Variants in AK5 observed in about 807,000 individuals in gnomAD.
AK5 encodes the protein adenylate kinase 5.
Under a neutral mutation model 69.5 loss-of-function variants are expected in AK5, and 27 were observed. The ratio of observed to expected loss-of-function variants is 0.39; its 90% CI spans 0.29 to 0.54. The LOEUF (loss-of-function observed/expected upper bound fraction) is 0.54, where lower values mean the gene tolerates loss of function less well. Ranked by LOEUF, AK5 falls within the 20% of genes least tolerant of loss-of-function variation. The pLI, the probability that AK5 is intolerant of heterozygous loss-of-function variation, is 0.71. For missense variants in AK5, 531 were observed against 700.4 expected (o/e 0.76, Z 2.73); for synonymous variants, 260 against 244.4 (o/e 1.06, Z -0.60).
At chr1:77,326,949 C>A (rs1052429788) in intron 5 of AK5, among the ~76,000 whole-genome samples, 39 of 152,152 alleles carry the variant, frequency 2.6e-4, no homozygotes, top group Non-Finnish European at 1.0e-4. Flanking sequence ...TCCATGAATT[C>A]ATGAACATAG....
At chr1:77,474,971 T>C (rs1229622534) in intron 8 of AK5, among the ~76,000 whole-genome samples, 1 of 151,758 alleles carries the variant, frequency 6.6e-6, no homozygotes, top group Non-Finnish European at 1.5e-5. Context: ...CTAGCTATTT[T>C]TTTAACTTCT....
At chr1:77,388,727 G>A (rs976250219) in intron 6 of AK5, among the ~76,000 whole-genome samples, 7 of 149,792 alleles carry the variant, frequency 4.7e-5, no homozygotes, top group Non-Finnish European at 8.9e-5. Context: ...TGAAAACAAT[G>A]TGGGAAGCAT....
chr1:77,358,018 T>TGTGTGTGTGAGA lies in AK5; in HGVS notation c.891+17451_891+17452insTGTGTGTGAGAG, dbSNP rs762714026. On this transcript the variant is annotated intron_variant, in intron 6 of 13. Coordinates refer to ENST00000354567, the MANE Select transcript of AK5 (RefSeq NM_174858.3). ...GTGTGTGTGTGTGTGTGTGTGTGTG[T>TGTGTGTGTGAGA]GAGAGAGAGAGAGAGAGAGAGACAG... Among the ~76,000 whole-genome samples, 392 of 128,258 alleles carry TGTGTGTGTGAGA rather than the reference T, an allele frequency of 3.1e-3. 1 individual carries two copies. Among genetic ancestry groups the TGTGTGTGTGAGA allele is most frequent in the Middle Eastern group, 7.6e-3 (2 of 264 alleles). 84.1% of individuals were successfully genotyped at this position (128,258 alleles called of 152,430 possible).
At chr1:77,522,734 A>G (rs574512355) in intron 12 of AK5, among the ~76,000 whole-genome samples, 3 of 152,266 alleles carry the variant, frequency 2.0e-5, no homozygotes, top group South Asian at 4.1e-4. Context: ...CACACTTTAT[A>G]GAGAGTACCT....
At chr1:77,324,902 G>C (rs571300401) in intron 5 of AK5, among the ~76,000 whole-genome samples, 7 of 152,152 alleles carry the variant, frequency 4.6e-5, no homozygotes, top group African/African-American at 1.7e-4. Context: ...CAGGCCATCA[G>C]CCTCTAACTT....
chr1:77,403,556 C>A (rs1302590661), intron 6 of AK5, among the ~76,000 whole-genome samples: 2 of 152,220 alleles, frequency 1.3e-5, no homozygotes, highest in Non-Finnish European at 2.9e-5. Context: ...AATAGGGAAT[C>A]CTTTCCCCAT....
At chr1:77,466,039 C>T (rs1654118512) in intron 8 of AK5, among the ~76,000 whole-genome samples, 1 of 152,122 alleles carries the variant, frequency 6.6e-6, no homozygotes, top group African/African-American at 2.4e-5. Flanking sequence ...TCTTACTTCT[C>T]GTTGCTCCTG....
intron 8 of AK5, among the ~76,000 whole-genome samples, chr1:77,470,826 A>AATATATAT (rs71075744): frequency 3.9e-5 from 2 of 51,168 alleles, no homozygotes; most frequent in African/African-American, 1.6e-4. Flanking sequence ...GCACATTTAG[A>AATATATAT]ATATATATAT....
intron 5 of AK5, among the ~76,000 whole-genome samples, chr1:77,312,474 G>T (rs1660014019): frequency 6.6e-6 from 1 of 152,030 alleles, no homozygotes; most frequent in Admixed American, 6.5e-5. Flanking sequence ...AATCAGCCAG[G>T]CGTGGTGGCA....
At chr1:77,351,998 C>T (rs1247581939) in intron 6 of AK5, among the ~76,000 whole-genome samples, 2 of 147,192 alleles carry the variant, frequency 1.4e-5, no homozygotes, top group Non-Finnish European at 3.0e-5. Flanking sequence ...GGTGCAATCT[C>T]GGCTCACTGC....
At chr1:77,387,219 T>TA (rs1284035621) in intron 6 of AK5, among the ~76,000 whole-genome samples, 4 of 152,218 alleles carry the variant, frequency 2.6e-5, no homozygotes, top group Non-Finnish European at 5.9e-5. Flanking sequence ...ACCAGAAGAC[T>TA]AAGCCAGAAG....
In AK5 at chr1:77,286,982, A is replaced by C. The variant is rs1347979909; in HGVS notation, c.102A>C (p.Pro34=). Residue 34 remains proline (P), a synonymous_variant, in exon 2 of 14, where the codon CCA becomes CCC. Transcript: ENST00000354567. ...NGLMCSKPED[P]VEYLESCLQK... ...TGATGTGTTCTAAGCCCGAAGATCC[A>C]GTAGAATACTTGGAAAGTTGTTTAC... The C allele has an allele frequency of 1.9e-6, 3 of 1,600,406 alleles. No homozygotes were observed. Among genetic ancestry groups the C allele is most frequent in the Non-Finnish European group, 2.6e-6 (3 of 1,172,670 alleles).
At chr1:77,486,933 C>A (rs1369657726) in intron 10 of AK5, among the ~76,000 whole-genome samples, 1 of 152,110 alleles carries the variant, frequency 6.6e-6, no homozygotes, top group African/African-American at 2.4e-5. Context: ...AAGAGGTTGT[C>A]ATGTATTAAA....
intron 13 of AK5, among the ~76,000 whole-genome samples, chr1:77,549,420 C>A (rs1033881039): frequency 2.6e-5 from 4 of 152,080 alleles, no homozygotes; most frequent in African/African-American, 9.7e-5. Context: ...GTATCTATCA[C>A]CTCAAGCGTT....
At chr1:77,325,603 T>C (rs1660762140) in intron 5 of AK5, among the ~76,000 whole-genome samples, 1 of 152,142 alleles carries the variant, frequency 6.6e-6, no homozygotes, top group Non-Finnish European at 1.5e-5. Context: ...TCTACCTCTG[T>C]TACACCCTGT....
rs546713314 is a variant in AK5, at chr1:77,295,096, C to T, written c.415+1136C>T. Among the ~76,000 whole-genome samples, 5 of 152,314 alleles carry T rather than the reference C, an allele frequency of 3.3e-5. No individual in the cohort carries two copies. The East Asian group carries it at 7.7e-4, about 23-fold the overall frequency. On this transcript the variant is annotated intron_variant, in intron 3 of 13. Transcript: ENST00000354567. ...TAACAATCATGAAGAGACCTGTGAA[C>T]ATGCAACATGTAGTCATTGTTTTCA... is the stretch of plus-strand genomic sequence containing the variant.
chr1:77,459,038 A>G (rs1228857300), intron 8 of AK5, among the ~76,000 whole-genome samples: 3 of 152,174 alleles, frequency 2.0e-5, no homozygotes, highest in African/African-American at 7.2e-5. Flanking sequence ...TCTGGTTGCC[A>G]CATAAGCACA....
intron 5 of AK5, among the ~76,000 whole-genome samples, chr1:77,322,248 CTGTT>C (rs1339388981): frequency 6.7e-6 from 1 of 149,360 alleles, no homozygotes; most frequent in African/African-American, 2.5e-5. Context: ...AGGATTTAAT[CTGTT>C]TGTAGTCCTT....
intron 8 of AK5, among the ~76,000 whole-genome samples, chr1:77,437,820 A>C (rs1003258195): frequency 5.9e-5 from 9 of 152,244 alleles, no homozygotes; most frequent in Middle Eastern, 6.8e-3. Flanking sequence ...CCTGGCTCAC[A>C]TACAGCAGAC....
Sources: gnomAD v4.1 joint callset for allele counts (sites outside exome capture counted in the v4.1 genomes callset) on GRCh38, gnomAD v4.1.1 for gene constraint, MANE v1.5 for transcripts, NCBI Gene and HGNC (gene_info 2026-07-23, HGNC 2026-07-21) for gene names.